IPO9: variants seen among roughly 807,000 people sequenced by gnomAD.
IPO9 encodes importin 9, also known as importin-9.
A neutral mutation model predicts 128.6 loss-of-function variants in IPO9; 28 were observed. That is an observed-to-expected ratio of 0.22 (90% confidence interval 0.16 to 0.30). The LOEUF is 0.30. Ranked by LOEUF, IPO9 falls within the 10% of genes least tolerant of loss-of-function variation. The pLI, the probability that IPO9 is intolerant of heterozygous loss-of-function variation, is 1.00. For missense variants in IPO9, 935 were observed against 1,293.9 expected (o/e 0.72, Z 4.26); for synonymous variants, 455 against 475.8 (o/e 0.96, Z 0.57).
intron 14 of IPO9, among the ~76,000 whole-genome samples, chr1:201,865,199 C>CTTTTTTTT (rs201084995): frequency 1.2e-3 from 153 of 132,794 alleles, no homozygotes; most frequent in Non-Finnish European, 1.2e-3. Context: ...AACTATTTTT[C>CTTTTTTTT]TTTTTTTTTT....
At position 201,879,306 on chromosome 1, in the gene IPO9, A is replaced by G. The variant is rs764980857; in HGVS notation, c.*3252A>G. The G allele has an allele frequency of 1.5e-4, 23 of 152,226 alleles. No individual in the cohort carries two copies. The highest frequency in any genetic ancestry group is 2.8e-4 in the Non-Finnish European group (19 of 68,038). The allele number at this position is 152,226 out of a possible 1,614,324, so 9.4% of individuals were successfully genotyped here. A position where few individuals can be genotyped will look rare whatever the true frequency, so the allele number is the denominator to read the frequency against. ...TTCTTTAATTTTGTTAACTAGGTAA[A>G]TAATCTGGACATTTTAGTCAAAGCA... On this transcript the variant is annotated 3_prime_UTR_variant, in exon 24 of 24. Coordinates refer to ENST00000361565, the MANE Select transcript of IPO9 (RefSeq NM_018085.5).
intron 23 of IPO9, among the ~76,000 whole-genome samples, chr1:201,875,608 C>A (rs1453655861): frequency 6.6e-6 from 1 of 151,824 alleles, no homozygotes; most frequent in Non-Finnish European, 1.5e-5. Context: ...AAAAAAAATC[C>A]ATTTATAATT....
At position 201,868,805 on chromosome 1, in the gene IPO9, C is replaced by T; in HGVS notation, c.2004+9C>T. On this transcript the variant is annotated intron_variant, in intron 16 of 23. Coordinates refer to ENST00000361565, the MANE Select transcript of IPO9 (RefSeq NM_018085.5). ...CTGCAGGGCTTTGTGCGGTAAGTGGCCGTGTGTGTGTGTGTGTGTGTGTGA... is the reference window on the plus strand; with the variant it reads ...CTGCAGGGCTTTGTGCGGTAAGTGGTCGTGTGTGTGTGTGTGTGTGTGTGA... 6.6e-7 allele frequency: 1 copy of T among 1,516,756 alleles called. No homozygotes were observed. 94.0% of individuals were successfully genotyped at this position (1,516,756 alleles called of 1,614,324 possible).
chr1:201,835,579 G>A (rs1474623755), intron 1 of IPO9, among the ~76,000 whole-genome samples: 3 of 152,196 alleles, frequency 2.0e-5, no homozygotes, highest in African/African-American at 4.8e-5. Flanking sequence ...GGGAACTAGA[G>A]AAATTAAATT....
At chr1:201,833,401 G>A (rs1679873582) in intron 1 of IPO9, among the ~76,000 whole-genome samples, 1 of 151,964 alleles carries the variant, frequency 6.6e-6, no homozygotes. Context: ...AACACGCCAG[G>A]CTAATTTTTG....
rs540079110 is a variant in IPO9 at position 201,883,964 on chromosome 1, G to T, written c.*7910G>T. 6.6e-6 allele frequency: 1 copy of T among 152,350 alleles called. No homozygotes were observed. Among genetic ancestry groups the T allele is most frequent in the East Asian group, 1.9e-4 (1 of 5,166 alleles). The allele number at this position is 152,350 out of a possible 1,614,324, so 9.4% of individuals were successfully genotyped here. A position where few individuals can be genotyped will look rare whatever the true frequency, so the allele number is the denominator to read the frequency against. ...ACAATGGATCAGAGTGTCTCTGCCAGTTCTAACTTGGGGATTCTAGTGGGT... is the reference window on the plus strand; with the variant it reads ...ACAATGGATCAGAGTGTCTCTGCCATTTCTAACTTGGGGATTCTAGTGGGT... On this transcript the variant is annotated 3_prime_UTR_variant, in exon 24 of 24. Transcript: ENST00000361565.
rs201089128 is a variant in IPO9, at chr1:201,855,115, T to C, written c.912-9T>C. On this transcript the variant is annotated splice_polypyrimidine_tract_variant and intron_variant, in intron 8 of 23. Transcript: ENST00000361565. ...ACTCCAAATTCTATTTCTTTACTCT[T>C]CATCATACTTATGTGAGGACAGAAG... 741 of 1,566,332 alleles carry C rather than the reference T, an allele frequency of 4.7e-4. 3 individuals carry two copies. The highest frequency in any genetic ancestry group is 3.5e-3 in the South Asian group (309 of 89,448).
rs567154903 is a variant in IPO9, at chr1:201,852,626, G to A, written c.604-385G>A. 1.3e-3 allele frequency among the ~76,000 whole-genome samples: 205 copies of A among 152,218 alleles called. 1 individual carries two copies. The highest frequency in any genetic ancestry group is 4.6e-3 in the African/African-American group (191 of 41,528). On this transcript the variant is annotated intron_variant, in intron 5 of 23. Coordinates refer to ENST00000361565, the MANE Select transcript of IPO9 (RefSeq NM_018085.5). ...TGAATGATAACTCATTTATAGTAAG[G>A]TATAAATACCTGATGGATAATGTTT...
rs1183817766 is a variant in IPO9 at position 201,854,828 on chromosome 1, G to A, written c.816G>A (p.Val272=). The change falls in exon 8 of 24, where the codon GTG becomes GTA. Residue 272 remains valine (V), a synonymous_variant. Transcript: ENST00000361565. ...CTTTTCTCTTAACTTCTTAGGCAGT[G>A]ACAGCCCTAGTGAAAAACTTCCCAA... ...SGFKMEVLKA[V]TALVKNFPKH... is the part of the protein sequence containing the mutation. 6.2e-7 allele frequency: 1 copy of A among 1,607,348 alleles called. No individual in the cohort carries two copies. Among genetic ancestry groups the A allele is most frequent in the Non-Finnish European group, 8.5e-7 (1 of 1,177,820 alleles).
chr1:201,862,827 T>G (rs1243896272), intron 13 of IPO9, among the ~76,000 whole-genome samples: 1 of 150,590 alleles, frequency 6.6e-6, no homozygotes, highest in African/African-American at 2.4e-5. Context: ...AAAAAAAGAT[T>G]AACTAGTAGT....
chr1:201,859,207 A>ATATATATATATATATAT (rs1491106859), intron 13 of IPO9, among the ~76,000 whole-genome samples: 56 of 140,396 alleles, frequency 4.0e-4, no homozygotes, highest in South Asian at 1.4e-3. Context: ...ATATATATAT[A>ATATATATATATATATAT]AAGGAAACTC....
intron 1 of IPO9, among the ~76,000 whole-genome samples, chr1:201,832,456 G>A (rs1571535353): frequency 6.6e-6 from 1 of 152,092 alleles, no homozygotes; most frequent in East Asian, 1.9e-4. Context: ...GCGGAGTTTA[G>A]CCATGTTGCC....
At chr1:201,836,919 CAAT>C (rs983885928) in intron 1 of IPO9, among the ~76,000 whole-genome samples, 6 of 152,108 alleles carry the variant, frequency 3.9e-5, no homozygotes, top group African/African-American at 7.2e-5. Flanking sequence ...CTTTAGTTAA[CAAT>C]GATGATGTTA....
At position 201,848,590 on chromosome 1, in the gene IPO9, G is replaced by A. The variant is rs1680161050; in HGVS notation, c.510G>A (p.Leu170=). 6.2e-7 allele frequency: 1 copy of A among 1,613,776 alleles called. No homozygotes were observed. Among genetic ancestry groups the A allele is most frequent in the Non-Finnish European group, 8.5e-7 (1 of 1,179,980 alleles). ...LNAVHGAMRV[L]TEFTREVTDT... ...CCGTCCATGGAGCCATGCGTGTGCT[G>A]ACAGGTACCAGAAGCCCTTTTCCCT... The change falls in exon 4 of 24, where the codon CTG becomes CTA. Residue 170 remains leucine (L), a synonymous_variant. Coordinates refer to ENST00000361565, the MANE Select transcript of IPO9 (RefSeq NM_018085.5).
intron 1 of IPO9, among the ~76,000 whole-genome samples, chr1:201,831,755 A>G (rs1679836719): frequency 6.6e-6 from 1 of 152,228 alleles, no homozygotes; most frequent in Non-Finnish European, 1.5e-5. Context: ...GATTTAGCCA[A>G]CTATCTGGCC....
chr1:201,878,276 A>C lies in IPO9; in HGVS notation c.*2222A>C, dbSNP rs1367000913. On this transcript the variant is annotated 3_prime_UTR_variant, in exon 24 of 24. Transcript: ENST00000361565. ...CCTTGCAGACTCCATAGTTTATCTCAAGGCAGTGCCAGTCGGATTTGGTGC... is the reference window on the plus strand; with the variant it reads ...CCTTGCAGACTCCATAGTTTATCTCCAGGCAGTGCCAGTCGGATTTGGTGC... The C allele has an allele frequency of 6.6e-6, 1 of 152,516 alleles. No individual in the cohort carries two copies. The highest frequency in any genetic ancestry group is 1.9e-4 in the East Asian group (1 of 5,188). The allele number at this position is 152,516 out of a possible 1,614,324, so 9.4% of individuals were successfully genotyped here. A position where few individuals can be genotyped will look rare whatever the true frequency, so the allele number is the denominator to read the frequency against.
intron 1 of IPO9, among the ~76,000 whole-genome samples, chr1:201,842,253 C>T (rs180992482): frequency 8.2e-4 from 125 of 152,226 alleles, no homozygotes; most frequent in African/African-American, 2.6e-3. Context: ...GATTTTTCTA[C>T]AAAGGATATT....
rs1680300556 is a variant in IPO9 at position 201,854,887 on chromosome 1, C to T, written c.875C>T (p.Pro292Leu). ...GTGTCCTCCATGCAGCAGATTCTGC[C>T]TATTGTTTGGAACACCCTAACCGAG... ...HMVSSMQQIL[P>L]IVWNTLTESA... is the part of the protein sequence containing the mutation. The change falls in exon 8 of 24, where the codon CCT becomes CTT. Residue 292 changes from proline (P) to leucine (L), a missense_variant. Pro to Leu is a moderately conservative substitution (Grantham distance 98, BLOSUM62 -3). Coordinates refer to ENST00000361565, the MANE Select transcript of IPO9 (RefSeq NM_018085.5). 1 of 1,610,812 alleles carries T rather than the reference C, an allele frequency of 6.2e-7. No individual in the cohort carries two copies. The highest frequency in any genetic ancestry group is 1.1e-5 in the South Asian group (1 of 90,422).
In IPO9 at chr1:201,868,655, C is replaced by A. The variant is rs373468539; in HGVS notation, c.1863C>A (p.Val621=). 4 of 1,613,274 alleles carry A rather than the reference C, an allele frequency of 2.5e-6. No individual in the cohort carries two copies. Among genetic ancestry groups the A allele is most frequent in the Non-Finnish European group, 3.4e-6 (4 of 1,179,720 alleles). Residue 621 remains valine, a synonymous_variant, in exon 16 of 24, where the codon GTC becomes GTA. Coordinates refer to ENST00000361565, the MANE Select transcript of IPO9 (RefSeq NM_018085.5). The part of the protein sequence containing the change: ...AIFLKYSNDP[V]VASLAQDIFK... Reference sequence around the variant, plus strand: ...TTGCCTTATCCACTTCAGATCCCGTCGTCGCCTCACTGGCTCAGGACATCT... The same window carrying A: ...TTGCCTTATCCACTTCAGATCCCGTAGTCGCCTCACTGGCTCAGGACATCT...
Sources: allele counts gnomAD v4.1 joint callset (sites outside exome capture counted in the v4.1 genomes callset), GRCh38; gene constraint gnomAD v4.1.1; transcripts MANE v1.5; gene names NCBI Gene and HGNC (gene_info 2026-07-23, HGNC 2026-07-21).